PPARD: variants seen among roughly 807,000 people sequenced by gnomAD.
The protein encoded by PPARD is peroxisome proliferator activated receptor delta.
In PPARD, 6 loss-of-function variants were observed where a neutral mutation model predicts 39.5. The observed-to-expected ratio is 0.15, with a 90% CI of 0.08 to 0.30. The LOEUF (loss-of-function observed/expected upper bound fraction) is 0.30, where lower values mean the gene tolerates loss of function less well. Among genes scored for constraint, PPARD ranks in the 10% least tolerant of loss-of-function variants. PPARD has a pLI of 1.00. For missense variants in PPARD, 397 were observed against 596.8 expected, an observed-to-expected ratio of 0.67 and a Z score of 3.49; for synonymous variants, 210 against 231.3, an observed-to-expected ratio of 0.91 and a Z score of 0.83.
intron 2 of PPARD, among the ~76,000 whole-genome samples, chr6:35,408,280 A>C (rs1765186742): frequency 6.6e-6 from 1 of 152,242 alleles, no homozygotes; most frequent in Admixed American, 6.5e-5. Flanking sequence ...ATTGCTGGTC[A>C]GAATTATGCC....
intron 2 of PPARD, among the ~76,000 whole-genome samples, chr6:35,354,549 T>C (rs1348488647): frequency 6.6e-6 from 1 of 152,066 alleles, no homozygotes; most frequent in African/African-American, 2.4e-5. Context: ...CCTGCCCACC[T>C]CGGCCTCCCA....
At chr6:35,419,991 C>T in intron 3 of PPARD, 136 bp from the exon 4 acceptor site, 1 of 1,020,520 alleles carries the variant, frequency 9.8e-7, no homozygotes, top group Non-Finnish European at 1.4e-6. Flanking sequence ...GGTGAAGAAA[C>T]TGGTCCTCAG....
chr6:35,381,590 C>T (rs1288458962), intron 2 of PPARD, among the ~76,000 whole-genome samples: 1 of 152,100 alleles, frequency 6.6e-6, no homozygotes, highest in Non-Finnish European at 1.5e-5. Flanking sequence ...AGGAAGAAAG[C>T]AGGAAGAAGA....
At chr6:35,343,013 G>T (rs928315432) in intron 1 of PPARD, among the ~76,000 whole-genome samples, 13 of 151,502 alleles carry the variant, frequency 8.6e-5, no homozygotes, top group African/African-American at 3.2e-4. Flanking sequence ...TCTCCCACTT[G>T]TGAGAACCCC....
chr6:35,416,147 C>T (rs2150807970), intron 3 of PPARD, among the ~76,000 whole-genome samples: 1 of 151,984 alleles, frequency 6.6e-6, no homozygotes, highest in East Asian at 1.9e-4. Context: ...TTTGGGAGGC[C>T]AAGGTGGGTG....
chr6:35,425,338 T>C lies in PPARD; in HGVS notation c.1079-494T>C. On this transcript the variant is annotated intron_variant, in intron 7 of 7. Transcript: ENST00000360694. This position sits in a 1 kb window ranked among gnomAD's most constrained non-coding sequence, Gnocchi z 4.5. ...GTTAATGTGGGGTGGAAAAATTGTC[T>C]GCATTTTTTCTGCATTTTTAAAATT... The C allele has an allele frequency of 1.0e-6, 1 of 1,004,900 alleles. No homozygotes were observed. Among genetic ancestry groups the C allele is most frequent in the Non-Finnish European group, 1.2e-6 (1 of 841,240 alleles). 62.2% of individuals were successfully genotyped at this position (1,004,900 alleles called of 1,614,324 possible).
intron 2 of PPARD, among the ~76,000 whole-genome samples, chr6:35,390,459 A>G (rs964218179): frequency 1.3e-5 from 2 of 152,202 alleles, no homozygotes; most frequent in Admixed American, 6.5e-5. Context: ...CAGGGGTCAT[A>G]ACGAAGGCTG....
chr6:35,411,021 G>A lies in PPARD; in HGVS notation c.-67G>A, dbSNP rs9658134. The A allele has an allele frequency of 0.013, 18,424 of 1,383,208 alleles. 143 individuals carry two copies. The highest frequency in any genetic ancestry group is 0.019 in the African/African-American group (1,296 of 67,450). 85.7% of individuals were successfully genotyped at this position (1,383,208 alleles called of 1,614,324 possible). ...AACCACCCTGTAGAGGTCCATCTGCGTTCAGACCCAGACGATGCCAGAGCT... is the reference window on the plus strand; with the variant it reads ...AACCACCCTGTAGAGGTCCATCTGCATTCAGACCCAGACGATGCCAGAGCT... On this transcript the variant is annotated 5_prime_UTR_variant, in exon 3 of 8. Transcript: ENST00000360694.
At chr6:35,388,107 C>T (rs999623046) in intron 2 of PPARD, among the ~76,000 whole-genome samples, 2 of 151,382 alleles carry the variant, frequency 1.3e-5, no homozygotes, top group Non-Finnish European at 2.9e-5. Context: ...CTCTTCATAG[C>T]TGTTTTCCAG....
At chr6:35,356,710 A>C (rs1761635482) in intron 2 of PPARD, among the ~76,000 whole-genome samples, 1 of 152,172 alleles carries the variant, frequency 6.6e-6, no homozygotes, top group African/African-American at 2.4e-5. Context: ...TGTAAAACCC[A>C]AATGTCTGCG....
At chr6:35,400,279 C>T (rs545698211) in intron 2 of PPARD, among the ~76,000 whole-genome samples, 2 of 152,302 alleles carry the variant, frequency 1.3e-5, no homozygotes, top group South Asian at 4.1e-4. Context: ...CACCAGCCTT[C>T]GTCCCCTCAC....
intron 2 of PPARD, among the ~76,000 whole-genome samples, chr6:35,398,691 G>A (rs1764497122): frequency 6.6e-6 from 1 of 152,194 alleles, no homozygotes; most frequent in South Asian, 2.1e-4. Context: ...TGATATCAGA[G>A]CAAAACCTGG....
chr6:35,394,246 C>T (rs895283417), intron 2 of PPARD, among the ~76,000 whole-genome samples: 1 of 152,186 alleles, frequency 6.6e-6, no homozygotes, highest in Non-Finnish European at 1.5e-5. Flanking sequence ...CGGCCACTTC[C>T]TGTTTTCTTC....
rs775408114 is a variant in PPARD, at chr6:35,401,538, G to C, written c.-101-9449G>C. ...CCTTCAAGACGCTGAGTGACCTCTA[G>C]CCACAGCCCTTCTCTCTACCCACAG... On this transcript the variant is annotated intron_variant, in intron 2 of 7. Transcript: ENST00000360694. The surrounding 1 kb of genome is among the most constrained non-coding windows in gnomAD (Gnocchi z 4.1). 2.0e-5 allele frequency among the ~76,000 whole-genome samples: 3 copies of C among 151,978 alleles called. No individual in the cohort carries two copies. The highest frequency in any genetic ancestry group is 2.9e-5 in the Non-Finnish European group (2 of 68,016).
intron 2 of PPARD, among the ~76,000 whole-genome samples, chr6:35,360,399 C>T (rs1019917597): frequency 6.6e-6 from 1 of 152,150 alleles, no homozygotes; most frequent in Admixed American, 6.5e-5. Context: ...GTCGTTACCC[C>T]ACGGATGAGA....
chr6:35,403,103 C>T (rs1292954458), intron 2 of PPARD, among the ~76,000 whole-genome samples: 1 of 152,198 alleles, frequency 6.6e-6, no homozygotes, highest in Non-Finnish European at 1.5e-5. Flanking sequence ...CCGGTTCTCT[C>T]CCCACAATTG....
chr6:35,355,595 CTTCTTTTTTTTTTTT>C (rs1761546531), intron 2 of PPARD, among the ~76,000 whole-genome samples: 4 of 50,444 alleles, frequency 7.9e-5, no homozygotes, highest in African/African-American at 1.4e-4. Context: ...TCTTCTTCTT[CTTCTTTTTTTTTTTT>C]TTTTTTTTTT....
chr6:35,378,340 G>C (rs1386803575), intron 2 of PPARD, among the ~76,000 whole-genome samples: 2 of 152,186 alleles, frequency 1.3e-5, no homozygotes, highest in Non-Finnish European at 2.9e-5. Flanking sequence ...ATGGGACGCA[G>C]AGGCAGGGAA....
chr6:35,390,243 G>A (rs1344520840), intron 2 of PPARD, among the ~76,000 whole-genome samples: 2 of 152,174 alleles, frequency 1.3e-5, no homozygotes, highest in Admixed American at 6.5e-5. Context: ...CTCCACAGTG[G>A]CCACCTCTTA....
Sources: gnomAD v4.1 joint callset for allele counts (sites outside exome capture counted in the v4.1 genomes callset) on GRCh38, gnomAD v4.1.1 for gene constraint, Gnocchi (gnomAD v3.1) non-coding constraint, MANE v1.5 for transcripts, NCBI Gene and HGNC (gene_info 2026-07-23, HGNC 2026-07-21) for gene names.